Variants in TLK2 observed in about 807,000 individuals in gnomAD.
TLK2 encodes the protein tousled like kinase 2, also known as serine/threonine-protein kinase tousled-like 2.
TLK2 carries 6 observed loss-of-function variants against 117.3 expected under a neutral mutation model. The ratio of observed to expected loss-of-function variants is 0.05; its 90% CI spans 0.03 to 0.10. TLK2 has a LOEUF of 0.10. TLK2 is among the 10% of genes least tolerant of loss of function. The pLI, the probability that TLK2 is intolerant of heterozygous loss-of-function variation, is 1.00. For synonymous variants in TLK2, 257 were observed against 316.7 expected (o/e 0.81, Z 2.00); for missense variants, 299 against 901.2 (o/e 0.33, Z 8.56).
At chr17:62,600,895 TA>T in intron 18 of TLK2, 75 bp downstream of exon 18, 2 of 1,401,884 alleles carry the variant, frequency 1.4e-6, no homozygotes, top group Non-Finnish European at 1.9e-6. Context: ...TTGATAAAGT[TA>T]GAGAATTTCA....
chr17:62,510,849 T>C (rs1186252685), intron 2 of TLK2, among the ~76,000 whole-genome samples: 4 of 152,214 alleles, frequency 2.6e-5, no homozygotes, highest in Non-Finnish European at 5.9e-5. Context: ...CAGGTTGTTA[T>C]GAGGGTTAAA....
At chr17:62,506,610 A>C (rs2074714356) in intron 2 of TLK2, among the ~76,000 whole-genome samples, 1 of 152,212 alleles carries the variant, frequency 6.6e-6, no homozygotes, top group Non-Finnish European at 1.5e-5. Flanking sequence ...CTTCAAGGTT[A>C]CATACCTCTT....
chr17:62,552,803 TCAGA>T (rs2078576304), intron 8 of TLK2, among the ~76,000 whole-genome samples: 1 of 152,176 alleles, frequency 6.6e-6, no homozygotes, highest in African/African-American at 2.4e-5. Flanking sequence ...TCTCATGATC[TCAGA>T]CAGTGTATAC....
chr17:62,598,992 C>T lies in TLK2; in HGVS notation c.1551-1659C>T, dbSNP rs192095359. Among the ~76,000 whole-genome samples, 13 of 152,110 alleles carry T rather than the reference C, an allele frequency of 8.5e-5. No homozygotes were observed. In the East Asian group the frequency reaches 1.6e-3, roughly 18 times the overall value. The stretch of plus-strand genomic sequence containing the variant: ...ATGGAGTCTTGCTCTGTTGCCCAGG[C>T]AGTAGTGCAGTGGCATGATCTTGGC... On this transcript the variant is annotated intron_variant, in intron 17 of 21. Transcript: ENST00000346027.
At chr17:62,569,938 A>G (rs1238631445) in intron 11 of TLK2, among the ~76,000 whole-genome samples, 12 of 152,062 alleles carry the variant, frequency 7.9e-5, no homozygotes, top group Non-Finnish European at 2.9e-5. Context: ...TACTTCCTCA[A>G]ACCTTTAGGG....
chr17:62,512,861 A>AATTATT (rs35048188), intron 2 of TLK2, among the ~76,000 whole-genome samples: 30,288 of 140,936 alleles, frequency 0.21, 3,540 homozygotes, highest in Middle Eastern at 0.29. Context: ...AAAATTTATT[A>AATTATT]ATTATTATTA....
chr17:62,588,490 G>A (rs1455238497), intron 16 of TLK2, among the ~76,000 whole-genome samples: 1 of 152,184 alleles, frequency 6.6e-6, no homozygotes, highest in African/African-American at 2.4e-5. Context: ...TCAAGTTCCA[G>A]GCTGGCATTG....
Position 62,549,418 on chromosome 17 carries a change from A to AAAGT in TLK2, c.532-2882_532-2881insGTAA, listed in dbSNP as rs1555630536. On this transcript the variant is annotated intron_variant, in intron 7 of 21. Transcript: ENST00000346027. The stretch of plus-strand genomic sequence containing the variant: ...CATCTCAAAAAAAAAAAAAAAAAAA[A>AAAGT]AAAAAAAAAAAAAAAAAAATAGAAA... Among the ~76,000 whole-genome samples, 41 of 8,550 alleles carry AAAGT rather than the reference A, an allele frequency of 4.8e-3. 1 individual carries two copies. Among genetic ancestry groups the AAAGT allele is most frequent in the African/African-American group, 6.7e-3 (41 of 6,098 alleles). 5.6% of individuals were successfully genotyped at this position (8,550 alleles called of 152,430 possible). A position where few individuals can be genotyped will look rare whatever the true frequency, so the allele number is the denominator to read the frequency against.
In TLK2 at chr17:62,573,379, A is replaced by G; in HGVS notation, c.1121+12A>G. The G allele has an allele frequency of 6.2e-7, 1 of 1,613,546 alleles. No homozygotes were observed. The highest frequency in any genetic ancestry group is 8.5e-7 in the Non-Finnish European group (1 of 1,179,734). ...GCTGAAAATGAAACGTATGTTCTTT[A>G]TTGACGTGAACGCTGAGACACCACA... On this transcript the variant is annotated intron_variant, in intron 12 of 21. Transcript: ENST00000346027.
chr17:62,571,863 G>T (rs1020128761), intron 11 of TLK2, among the ~76,000 whole-genome samples: 2 of 152,064 alleles, frequency 1.3e-5, no homozygotes, highest in Non-Finnish European at 2.9e-5. Context: ...CCATTTGAGT[G>T]TAGGTTTTAA....
At chr17:62,555,506 A>G (rs1179339893) in intron 9 of TLK2, among the ~76,000 whole-genome samples, 2 of 148,504 alleles carry the variant, frequency 1.3e-5, no homozygotes, top group African/African-American at 5.0e-5. Context: ...TTTTTGAGAC[A>G]GAGTCTTGCT....
upstream of TLK2, among the ~76,000 whole-genome samples, chr17:62,474,542 C>G (rs1409308231): frequency 2.0e-5 from 3 of 150,680 alleles, no homozygotes; most frequent in Non-Finnish European, 4.4e-5. Flanking sequence ...CCCAAGTAGC[C>G]GGGACTACAG....
intron 2 of TLK2, among the ~76,000 whole-genome samples, chr17:62,511,869 T>G (rs980462096): frequency 2.0e-5 from 3 of 152,240 alleles, no homozygotes; most frequent in African/African-American, 7.2e-5. Context: ...AAAGCTACTC[T>G]GAACATTCTT....
intron 6 of TLK2, among the ~76,000 whole-genome samples, chr17:62,533,449 A>AGT (rs530614484): frequency 1.8e-5 from 2 of 112,654 alleles, no homozygotes; most frequent in African/African-American, 6.8e-5. Context: ...TGTGTAGCCC[A>AGT]GTGTGTGTGT....
intron 15 of TLK2, among the ~76,000 whole-genome samples, chr17:62,584,406 C>T (rs1291091186): frequency 3.9e-5 from 6 of 152,136 alleles, no homozygotes; most frequent in Middle Eastern, 3.4e-3. Context: ...TGAGCCATCG[C>T]GCCCGGCTTA....
chr17:62,606,006 C>CAAAAA (rs71155942), intron 19 of TLK2, 124 bp from the exon 20 acceptor site: 7 of 133,070 alleles, frequency 5.3e-5, no homozygotes, highest in Admixed American at 2.2e-4. Context: ...ACCCTGTCTC[C>CAAAAA]AAAAAAAAAA....
chr17:62,589,350 A>G (rs2081900900), intron 16 of TLK2, among the ~76,000 whole-genome samples: 1 of 152,234 alleles, frequency 6.6e-6, no homozygotes, highest in Admixed American at 6.5e-5. Context: ...TTTTTTAAAG[A>G]TAAAAGTAAG....
At chr17:62,564,147 A>T (rs1366187293) in intron 10 of TLK2, among the ~76,000 whole-genome samples, 1 of 152,216 alleles carries the variant, frequency 6.6e-6, no homozygotes, top group East Asian at 1.9e-4. Context: ...TTAGGCCTGT[A>T]ATCTCAGCAC....
At chr17:62,533,728 C>A (rs963307937) in intron 6 of TLK2, among the ~76,000 whole-genome samples, 2 of 152,050 alleles carry the variant, frequency 1.3e-5, no homozygotes, top group African/African-American at 4.8e-5. Flanking sequence ...TTGCCCATCG[C>A]GGCCTCCCAA....
Sources: gnomAD v4.1 joint callset for allele counts (sites outside exome capture counted in the v4.1 genomes callset) on GRCh38, gnomAD v4.1.1 for gene constraint, MANE v1.5 for transcripts, NCBI Gene and HGNC (gene_info 2026-07-23, HGNC 2026-07-21) for gene names.